Variants in PRKG1 observed in about 807,000 individuals in gnomAD.
PRKG1 encodes the protein protein kinase cGMP-dependent 1, also known as cGMP-dependent protein kinase 1.
Under a neutral mutation model 88.1 loss-of-function variants are expected in PRKG1, and 35 were observed. The ratio of observed to expected loss-of-function variants is 0.40; its 90% CI spans 0.30 to 0.53. PRKG1 has a LOEUF of 0.53. Among genes scored for constraint, PRKG1 ranks in the 20% least tolerant of loss-of-function variants. PRKG1 has a pLI of 0.59. For synonymous variants in PRKG1, 303 were observed against 292.5 expected, an observed-to-expected ratio of 1.04 and a Z score of -0.37; for missense variants, 540 against 839.8, an observed-to-expected ratio of 0.64 and a Z score of 4.41.
chr10:51,701,468 A>C (rs1252089533), intron 3 of PRKG1, among the ~76,000 whole-genome samples: 1 of 152,198 alleles, frequency 6.6e-6, no homozygotes, highest in Non-Finnish European at 1.5e-5. Context: ...GCAAGTGACA[A>C]GGTTCATTTA....
At chr10:50,994,624 T>G (rs1261248629) in intron 1 of PRKG1, among the ~76,000 whole-genome samples, 1 of 152,126 alleles carries the variant, frequency 6.6e-6, no homozygotes, top group African/African-American at 2.4e-5. Context: ...GCAAAGCTTG[T>G]GTTCAGTTAT....
rs372855849 is a variant in PRKG1, at chr10:51,747,462, G to A, written c.593-57123G>A. 3.3e-5 allele frequency among the ~76,000 whole-genome samples: 5 copies of A among 152,052 alleles called. No individual in the cohort carries two copies. The South Asian group carries it at 6.2e-4, about 19-fold the overall frequency. Reference sequence around the variant, plus strand: ...TCACCCTGCTGGGATGTCTGAAGGCGCAGATGGAAAGACAATGCAGGACAT... The same window carrying A: ...TCACCCTGCTGGGATGTCTGAAGGCACAGATGGAAAGACAATGCAGGACAT... On this transcript the variant is annotated intron_variant, in intron 3 of 17. Transcript: ENST00000373980.
intron 3 of PRKG1, among the ~76,000 whole-genome samples, chr10:51,774,110 T>G (rs1004836168): frequency 3.3e-5 from 5 of 152,084 alleles, no homozygotes; most frequent in Non-Finnish European, 5.9e-5. Flanking sequence ...GGCTACTTTC[T>G]GGCCCTGTGA....
At chr10:51,884,720 G>T (rs1247307119) in intron 4 of PRKG1, among the ~76,000 whole-genome samples, 1 of 152,096 alleles carries the variant, frequency 6.6e-6, no homozygotes, top group South Asian at 2.1e-4. Flanking sequence ...TCATACAGTA[G>T]TTTAGGATGA....
chr10:52,009,484 A>G (rs1391428107), intron 5 of PRKG1, among the ~76,000 whole-genome samples: 2 of 152,114 alleles, frequency 1.3e-5, no homozygotes, highest in East Asian at 1.9e-4. Context: ...AAAGATCTCT[A>G]CAATGGTAAT....
At chr10:51,822,634 C>T (rs1330844437) in intron 4 of PRKG1, among the ~76,000 whole-genome samples, 1 of 152,090 alleles carries the variant, frequency 6.6e-6, no homozygotes, top group African/African-American at 2.4e-5. Flanking sequence ...TTCTGTGTCC[C>T]ACCAGTTTCT....
chr10:52,118,227 G>C (rs1847734266), intron 7 of PRKG1, among the ~76,000 whole-genome samples: 1 of 151,770 alleles, frequency 6.6e-6, no homozygotes, highest in African/African-American at 2.4e-5. Flanking sequence ...CTGTTTAAAG[G>C]ATGTTTCTCT....
chr10:52,112,984 G>A (rs2219749), intron 7 of PRKG1, among the ~76,000 whole-genome samples: 16,956 of 152,170 alleles, frequency 0.11, 1,216 homozygotes, highest in Non-Finnish European at 0.16. Context: ...TTGCATCCAT[G>A]CTGTGTGCCA....
chr10:51,661,837 C>T (rs796695424), intron 3 of PRKG1, among the ~76,000 whole-genome samples: 3 of 152,254 alleles, frequency 2.0e-5, no homozygotes, highest in African/African-American at 7.2e-5. Context: ...CCCAAATGTC[C>T]ATCAATGACA....
intron 3 of PRKG1, among the ~76,000 whole-genome samples, chr10:51,590,134 A>G (rs1838274064): frequency 6.6e-6 from 1 of 152,198 alleles, no homozygotes; most frequent in Admixed American, 6.5e-5. Flanking sequence ...AGACCAACAT[A>G]GTTGTGACTG....
At chr10:52,072,158 C>CTTTTTTTT (rs60576406) in intron 7 of PRKG1, among the ~76,000 whole-genome samples, 68 of 39,570 alleles carry the variant, frequency 1.7e-3, no homozygotes, top group East Asian at 2.3e-3. Flanking sequence ...TATTGTTTTG[C>CTTTTTTTT]TTTTTTTTTT....
intron 3 of PRKG1, among the ~76,000 whole-genome samples, chr10:51,532,037 C>T (rs1377250565): frequency 6.6e-6 from 1 of 152,152 alleles, no homozygotes; most frequent in African/African-American, 2.4e-5. Flanking sequence ...ACCAGTTCAT[C>T]TCAATTTTGC....
chr10:51,676,805 T>C (rs1840722743), intron 3 of PRKG1, among the ~76,000 whole-genome samples: 1 of 152,176 alleles, frequency 6.6e-6, no homozygotes, highest in African/African-American at 2.4e-5. Context: ...TTAATCTCAG[T>C]TGTCTATTCT....
At chr10:51,862,657 C>T (rs1422998268) in intron 4 of PRKG1, among the ~76,000 whole-genome samples, 1 of 152,052 alleles carries the variant, frequency 6.6e-6, no homozygotes, top group East Asian at 1.9e-4. Context: ...CGAGAAAGGT[C>T]CCTGGTCATA....
At chr10:52,138,788 G>C (rs1373058770) in intron 8 of PRKG1, among the ~76,000 whole-genome samples, 1 of 152,066 alleles carries the variant, frequency 6.6e-6, no homozygotes, top group Admixed American at 6.6e-5. Context: ...CTCTGAAACT[G>C]AGATATCTCT....
rs529412151 is a variant in PRKG1 at position 51,528,115 on chromosome 10, C to T, written c.592+60279C>T. ...AAGCTCATGGGAGCAAATGTCATTA[C>T]GGAGAAGCTTTCAAAATCATCTAGA... On this transcript the variant is annotated intron_variant, in intron 3 of 17. Coordinates refer to ENST00000373980, the MANE Select transcript of PRKG1 (RefSeq NM_006258.4). Among the ~76,000 whole-genome samples, 29 of 152,270 alleles carry T rather than the reference C, an allele frequency of 1.9e-4. No homozygotes were observed. The East Asian group carries it at 2.1e-3, about 11-fold the overall frequency.
At chr10:52,020,315 C>T (rs778398408) in intron 5 of PRKG1, among the ~76,000 whole-genome samples, 18 of 152,090 alleles carry the variant, frequency 1.2e-4, no homozygotes, top group Non-Finnish European at 1.8e-4. Flanking sequence ...GGATCTCTAG[C>T]CCTCCACAGA....
intron 2 of PRKG1, among the ~76,000 whole-genome samples, chr10:51,398,184 G>T (rs1837631400): frequency 6.6e-6 from 1 of 152,216 alleles, no homozygotes; most frequent in Non-Finnish European, 1.5e-5. Flanking sequence ...TTTCATGGAA[G>T]ATAGTTTTTC....
At chr10:51,801,853 T>C (rs4415704) in intron 3 of PRKG1, among the ~76,000 whole-genome samples, 84,559 of 151,962 alleles carry the variant, frequency 0.56, 23,714 homozygotes, top group Middle Eastern at 0.65. Flanking sequence ...ATGTATGTGA[T>C]CTTAACCTGA....
Sources: allele counts gnomAD v4.1 joint callset (sites outside exome capture counted in the v4.1 genomes callset), GRCh38; gene constraint gnomAD v4.1.1; transcripts MANE v1.5; gene names NCBI Gene and HGNC (gene_info 2026-07-23, HGNC 2026-07-21).